CCR8: variants seen among roughly 807,000 people sequenced by gnomAD.
CCR8 encodes C-C chemokine receptor type 8.
For missense variants in CCR8, 358 were observed against 417.5 expected (o/e 0.86, Z 1.24); for synonymous variants, 156 against 165.7 (o/e 0.94, Z 0.45).
At chr3:39,332,208 C>T (rs911717289) in intron 1 of CCR8, 110 bp from the exon 2 acceptor site, 29 of 668,222 alleles carry the variant, frequency 4.3e-5, no homozygotes, top group Non-Finnish European at 7.4e-5. Context: ...TTGAGCACTT[C>T]AACACATGAA....
At position 39,333,299 on chromosome 3, in the gene CCR8, T is replaced by C. The variant is rs1166082241; in HGVS notation, c.968T>C (p.Phe323Ser). Residue 323 changes from phenylalanine to serine, a missense_variant, in exon 2 of 2, where the codon TTC (phenylalanine) becomes TCC (serine). Phe to Ser is a radical substitution (Grantham distance 155). Transcript: ENST00000326306. ...EIFQKSCSQIFNYLGRQMPRE... is the reference protein window; with the variant it reads ...EIFQKSCSQISNYLGRQMPRE... ...TTTCAGAAAAGTTGCAGCCAAATCT[T>C]CAACTACCTAGGAAGACAAATGCCT... is the stretch of plus-strand genomic sequence containing the variant. 3.1e-6 allele frequency: 5 copies of C among 1,613,970 alleles called. No homozygotes were observed. Among genetic ancestry groups the C allele is most frequent in the Admixed American group, 1.7e-5 (1 of 59,980 alleles).
Position 39,333,032 on chromosome 3 carries a change from C to T in CCR8, c.701C>T (p.Thr234Ile). Residue 234 changes from threonine (T) to isoleucine (I), a missense_variant, in exon 2 of 2, where the codon ACC becomes ATC. Thr to Ile is a moderately conservative substitution (Grantham distance 89). Coordinates refer to ENST00000326306, the MANE Select transcript of CCR8 (RefSeq NM_005201.4). ...AAGAGGTGTCAAAACCACAACAAGA[C>T]CAAGGCCATCAGGTTGGTGCTCATT... ...QLKRCQNHNK[T>I]KAIRLVLIVV... is the part of the protein sequence containing the mutation. The T allele has an allele frequency of 6.2e-7, 1 of 1,614,056 alleles. No homozygotes were observed. The highest frequency in any genetic ancestry group is 8.5e-7 in the Non-Finnish European group (1 of 1,179,962).
At position 39,331,384 on chromosome 3, in the gene CCR8, G is replaced by T. The variant is rs574448272; in HGVS notation, c.-14-934G>T. Among the ~76,000 whole-genome samples, 160 of 152,274 alleles carry T rather than the reference G, an allele frequency of 1.1e-3. 1 individual carries two copies. The highest frequency in any genetic ancestry group is 3.7e-3 in the African/African-American group (152 of 41,568). On this transcript the variant is annotated intron_variant, in intron 1 of 1. Coordinates refer to ENST00000326306, the MANE Select transcript of CCR8 (RefSeq NM_005201.4). ...CATGGTCTTTACTCCATGCACAAGG[G>T]GAGCAAAATTTCTTGTGTCTCTTTC...
Position 39,332,950 on chromosome 3 carries a change from T to A in CCR8, c.619T>A (p.Leu207Met). 6.2e-7 allele frequency: 1 copy of A among 1,614,182 alleles called. No homozygotes were observed. The highest frequency in any genetic ancestry group is 8.5e-7 in the Non-Finnish European group (1 of 1,180,022). ...CAACTTCAAAATGAACATTTTAGGCTTGTTGATCCCATTCACCATCTTTAT... is the reference window on the plus strand; with the variant it reads ...CAACTTCAAAATGAACATTTTAGGCATGTTGATCCCATTCACCATCTTTAT... The part of the protein sequence containing the change: ...FTNFKMNILG[L>M]LIPFTIFMFC... Residue 207 changes from leucine (L) to methionine (M), a missense_variant, in exon 2 of 2, where the codon TTG becomes ATG. By Grantham distance (15) the Leu-to-Met change is conservative. Transcript: ENST00000326306.
At position 39,333,604 on chromosome 3, in the gene CCR8, T is replaced by C; in HGVS notation, c.*205T>C. On this transcript the variant is annotated 3_prime_UTR_variant, in exon 2 of 2. Transcript: ENST00000326306. ...TCAAGCCTGTGATTGTGTTTATTGA[T>C]GATGTTGAACAAGTGGTAACTTTAA... is the stretch of plus-strand genomic sequence containing the variant. 1.7e-6 allele frequency: 1 copy of C among 574,190 alleles called. No individual in the cohort carries two copies. Among genetic ancestry groups the C allele is most frequent in the Admixed American group, 3.4e-5 (1 of 29,306 alleles). The allele number at this position is 574,190 out of a possible 1,614,324, so 35.6% of individuals were successfully genotyped here. A position where few individuals can be genotyped will look rare whatever the true frequency, so the allele number is the denominator to read the frequency against.
In CCR8 at chr3:39,333,418, T is replaced by C. The variant is rs781195359; in HGVS notation, c.*19T>C. The C allele has an allele frequency of 1.2e-5, 19 of 1,568,148 alleles. No individual in the cohort carries two copies. Among genetic ancestry groups the C allele is most frequent in the South Asian group, 8.1e-5 (7 of 85,982 alleles). On this transcript the variant is annotated 3_prime_UTR_variant, in exon 2 of 2. Transcript: ENST00000326306. ...TTTGTGAGGATCAATGAAGACTAAATATAAAAAACATTTTCTTGAATGGCA... is the reference window on the plus strand; with the variant it reads ...TTTGTGAGGATCAATGAAGACTAAACATAAAAAACATTTTCTTGAATGGCA...
In CCR8 at chr3:39,333,609, T is replaced by C; in HGVS notation, c.*210T>C. 1 of 567,430 alleles carries C rather than the reference T, an allele frequency of 1.8e-6. No individual in the cohort carries two copies. The allele number at this position is 567,430 out of a possible 1,614,324, so 35.1% of individuals were successfully genotyped here. On this transcript the variant is annotated 3_prime_UTR_variant, in exon 2 of 2. Transcript: ENST00000326306. ...CCTGTGATTGTGTTTATTGATGATG[T>C]TGAACAAGTGGTAACTTTAAAGGAT...
Position 39,332,477 on chromosome 3 carries a change from G to T in CCR8, c.146G>T (p.Ser49Ile). 6.2e-7 allele frequency: 1 copy of T among 1,614,100 alleles called. No individual in the cohort carries two copies. The highest frequency in any genetic ancestry group is 2.2e-5 in the East Asian group (1 of 44,884). The stretch of plus-strand genomic sequence containing the variant: ...TTTTATTGCCTCCTGTTTGTATTCA[G>T]TCTTCTGGGAAACAGCCTGGTCATC... ...AVFYCLLFVF[S>I]LLGNSLVILV... The change falls in exon 2 of 2, where the codon AGT becomes ATT. Residue 49 changes from serine (S) to isoleucine (I), a missense_variant. Transcript: ENST00000326306.
chr3:39,333,346 T>A lies in CCR8; in HGVS notation c.1015T>A (p.Ser339Thr). The change falls in exon 2 of 2, where the codon TCA becomes ACA. Residue 339 changes from serine to threonine, a missense_variant. Physicochemically the swap from Ser to Thr is moderately conservative, Grantham distance 58. Coordinates refer to ENST00000326306, the MANE Select transcript of CCR8 (RefSeq NM_005201.4). ...GCCTAGGGAGAGCTGTGAAAAGTCA[T>A]CATCCTGCCAGCAGCACTCCTCCCG... Reference protein sequence around the residue: ...QMPRESCEKSSSCQQHSSRSS... With the variant: ...QMPRESCEKSTSCQQHSSRSS... 1 of 1,614,048 alleles carries A rather than the reference T, an allele frequency of 6.2e-7. No individual in the cohort carries two copies. Among genetic ancestry groups the A allele is most frequent in the Non-Finnish European group, 8.5e-7 (1 of 1,179,960 alleles).
At position 39,329,845 on chromosome 3, in the gene CCR8, A is replaced by C. The variant is rs2041243729; in HGVS notation, c.-15+16A>C. 1 of 152,278 alleles carries C rather than the reference A, an allele frequency of 6.6e-6. No individual in the cohort carries two copies. The highest frequency in any genetic ancestry group is 2.4e-5 in the African/African-American group (1 of 41,458). 9.4% of individuals were successfully genotyped at this position (152,278 alleles called of 1,614,324 possible). Reference sequence around the variant, plus strand: ...TGTCACTAAGGTATGTGCTACAAGCATCCTTGGGGAAGAAGGGCATGAGTA... The same window carrying C: ...TGTCACTAAGGTATGTGCTACAAGCCTCCTTGGGGAAGAAGGGCATGAGTA... On this transcript the variant is annotated intron_variant, in intron 1 of 1. Coordinates refer to ENST00000326306, the MANE Select transcript of CCR8 (RefSeq NM_005201.4).
chr3:39,331,641 T>A (rs1191782090), intron 1 of CCR8, among the ~76,000 whole-genome samples: 1 of 151,694 alleles, frequency 6.6e-6, no homozygotes, highest in East Asian at 1.9e-4. Flanking sequence ...CTAATTTTTG[T>A]AATTTTAGTA....
rs745547072 is a variant in CCR8, at chr3:39,333,132, C to T, written c.801C>T (p.His267=). 3 of 1,614,114 alleles carry T rather than the reference C, an allele frequency of 1.9e-6. No individual in the cohort carries two copies. The Admixed American group carries it at 5.0e-5, about 27-fold the overall frequency. ...TCCTCACTTCCTTGCACAGTATGCA[C>T]ATCTTGGATGGATGTAGCATAAGCC... The part of the protein sequence containing the change: ...VLFLTSLHSM[H]ILDGCSISQQ... Residue 267 remains histidine (H), a synonymous_variant, in exon 2 of 2, where the codon CAC becomes CAT. Coordinates refer to ENST00000326306, the MANE Select transcript of CCR8 (RefSeq NM_005201.4).
chr3:39,332,829 C>T lies in CCR8; in HGVS notation c.498C>T (p.Ile166=). The part of the protein sequence containing the change: ...AVWLTAIMAT[I]PLLVFYQVAS... ...GGCTAACCGCCATTATGGCTACCAT[C>T]CCATTGCTAGTGTTTTACCAAGTGG... Residue 166 remains isoleucine (I), a synonymous_variant, in exon 2 of 2, where the codon ATC becomes ATT. Coordinates refer to ENST00000326306, the MANE Select transcript of CCR8 (RefSeq NM_005201.4). The T allele has an allele frequency of 6.2e-7, 1 of 1,614,174 alleles. No individual in the cohort carries two copies. The highest frequency in any genetic ancestry group is 8.5e-7 in the Non-Finnish European group (1 of 1,180,010).
chr3:39,331,914 G>A (rs949035579), intron 1 of CCR8, among the ~76,000 whole-genome samples: 6 of 144,464 alleles, frequency 4.2e-5, no homozygotes, highest in Non-Finnish European at 7.4e-5. Context: ...CCACCTCTTC[G>A]GTTCAAGTGA....
Position 39,332,667 on chromosome 3 carries a change from T to A in CCR8, c.336T>A (p.Phe112Leu). The change falls in exon 2 of 2, where the codon TTT (phenylalanine) becomes TTA (leucine). Residue 112 changes from phenylalanine to leucine, a missense_variant. Physicochemically the swap from Phe to Leu is conservative, Grantham distance 22. Transcript: ENST00000326306. The stretch of plus-strand genomic sequence containing the variant: ...TAATGTGCAAAGTGGTGTCTGGCTT[T>A]TATTACATTGGCTTCTACAGCAGCA... Reference protein sequence around the residue: ...GTVMCKVVSGFYYIGFYSSMF... With the variant: ...GTVMCKVVSGLYYIGFYSSMF... The A allele has an allele frequency of 6.2e-7, 1 of 1,614,174 alleles. No homozygotes were observed. Among genetic ancestry groups the A allele is most frequent in the Non-Finnish European group, 8.5e-7 (1 of 1,180,014 alleles).
chr3:39,331,660 G>A (rs1007258564), intron 1 of CCR8, among the ~76,000 whole-genome samples: 1 of 151,500 alleles, frequency 6.6e-6, no homozygotes, highest in African/African-American at 2.4e-5. Flanking sequence ...TAGAGACGGG[G>A]TTTTGCACTG....
Position 39,333,068 on chromosome 3 carries a change from C to T in CCR8, c.737C>T (p.Ala246Val). ...AIRLVLIVVI[A>V]SLLFWVPFNV... The stretch of plus-strand genomic sequence containing the variant: ...AGGTTGGTGCTCATTGTGGTCATTG[C>T]ATCTTTACTTTTCTGGGTCCCATTC... The change falls in exon 2 of 2, where the codon GCA (alanine) becomes GTA (valine). Residue 246 changes from alanine (A) to valine (V), a missense_variant. Transcript: ENST00000326306. 6.2e-7 allele frequency: 1 copy of T among 1,614,104 alleles called. No homozygotes were observed. The highest frequency in any genetic ancestry group is 2.2e-5 in the East Asian group (1 of 44,856).
At chr3:39,330,055 G>A (rs1193689988) in intron 1 of CCR8, among the ~76,000 whole-genome samples, 1 of 152,130 alleles carries the variant, frequency 6.6e-6, no homozygotes, top group African/African-American at 2.4e-5. Context: ...ATTCTCTGCA[G>A]GCCTTTAGGA....
chr3:39,331,960 C>G (rs1458903061), intron 1 of CCR8, among the ~76,000 whole-genome samples: 1 of 150,748 alleles, frequency 6.6e-6, no homozygotes, highest in African/African-American at 2.4e-5. Flanking sequence ...GCTAGGATTA[C>G]AGGCATGCAC....
Sources: allele counts gnomAD v4.1 joint callset (sites outside exome capture counted in the v4.1 genomes callset), GRCh38; gene constraint gnomAD v4.1.1; transcripts MANE v1.5; gene names NCBI Gene and HGNC (gene_info 2026-07-23, HGNC 2026-07-21).